Variants in ARMC9 observed in about 807,000 individuals in gnomAD.
ARMC9 encodes armadillo repeat containing 9.
In ARMC9, 94 loss-of-function variants were observed where a neutral mutation model predicts 107.0. The observed-to-expected ratio is 0.88, with a 90% CI of 0.74 to 1.04. ARMC9 has a LOEUF of 1.04. ARMC9 is among the 50% of genes least tolerant of loss of function. The pLI is 0.00. For missense variants in ARMC9, 942 were observed against 1,030.1 expected (o/e 0.91, Z 1.17); for synonymous variants, 380 against 396.9 (o/e 0.96, Z 0.51).
rs1462544138 is a variant in ARMC9, at chr2:231,372,993, T to C, written c.*1458T>C. ...AGCTCATCCAGGGCCGGGACCCTGG[T>C]TCATCTCGTGAATTCTTGGCAGCGG... On this transcript the variant is annotated 3_prime_UTR_variant, in exon 25 of 25. Transcript: ENST00000611582. The C allele has an allele frequency of 6.6e-6, 1 of 152,122 alleles. No homozygotes were observed. Among genetic ancestry groups the C allele is most frequent in the Non-Finnish European group, 1.5e-5 (1 of 68,020 alleles). 9.4% of individuals were successfully genotyped at this position (152,122 alleles called of 1,614,324 possible).
intron 2 of ARMC9, among the ~76,000 whole-genome samples, chr2:231,207,727 G>A (rs968962792): frequency 6.6e-6 from 1 of 152,222 alleles, no homozygotes; most frequent in Non-Finnish European, 1.5e-5. Context: ...ACCCGCCTTG[G>A]CCTCCCAAAG....
chr2:231,288,349 T>C (rs777473608), intron 17 of ARMC9, among the ~76,000 whole-genome samples: 2 of 152,190 alleles, frequency 1.3e-5, no homozygotes, highest in Non-Finnish European at 2.9e-5. Context: ...GTGGGGGGCC[T>C]GTGAGTAATT....
chr2:231,209,256 C>T (rs1447265581), intron 3 of ARMC9, among the ~76,000 whole-genome samples: 1 of 152,092 alleles, frequency 6.6e-6, no homozygotes, highest in East Asian at 1.9e-4. Context: ...TGGCATGCAC[C>T]TGTAGTCCCA....
intron 20 of ARMC9, among the ~76,000 whole-genome samples, chr2:231,334,950 A>C (rs2043986752): frequency 6.6e-6 from 1 of 152,172 alleles, no homozygotes; most frequent in African/African-American, 2.4e-5. Context: ...TGTGCCTGAA[A>C]GTCATGATCC....
intron 21 of ARMC9, among the ~76,000 whole-genome samples, chr2:231,351,512 C>T (rs7597595): frequency 0.081 from 12,315 of 152,100 alleles, 1,490 homozygotes; most frequent in African/African-American, 0.26. Context: ...TTTATTCCAG[C>T]AGCCAGAGAG....
At position 231,311,235 on chromosome 2, in the gene ARMC9, C is replaced by T. The variant is rs913887094; in HGVS notation, c.1773+14982C>T. Among the ~76,000 whole-genome samples, 14 of 152,300 alleles carry T rather than the reference C, an allele frequency of 9.2e-5. No individual in the cohort carries two copies. In the East Asian group the frequency reaches 2.3e-3, roughly 25 times the overall value. ...TTTGCTATGCAGCTCACTTTGCAGCCGGCTGTGTGCTACTTTCTGGCATTT... is the reference window on the plus strand; with the variant it reads ...TTTGCTATGCAGCTCACTTTGCAGCTGGCTGTGTGCTACTTTCTGGCATTT... On this transcript the variant is annotated intron_variant, in intron 19 of 24. Coordinates refer to ENST00000611582, the MANE Select transcript of ARMC9 (RefSeq NM_001352754.2).
intron 17 of ARMC9, among the ~76,000 whole-genome samples, chr2:231,283,065 G>T (rs139382326): frequency 1.3e-5 from 2 of 152,154 alleles, no homozygotes; most frequent in African/African-American, 4.8e-5. Flanking sequence ...AGGGATGGAG[G>T]GGGTGGGGAG....
At chr2:231,278,698 G>A (rs1027519747) in intron 16 of ARMC9, among the ~76,000 whole-genome samples, 5 of 151,588 alleles carry the variant, frequency 3.3e-5, no homozygotes, top group Non-Finnish European at 5.9e-5. Flanking sequence ...GGCCTGTGCC[G>A]GGCCCCTCCG....
At chr2:231,324,290 G>A (rs915138366) in intron 19 of ARMC9, among the ~76,000 whole-genome samples, 5 of 151,416 alleles carry the variant, frequency 3.3e-5, no homozygotes, top group African/African-American at 7.3e-5. Context: ...ACCACGCCCA[G>A]CTAATTTTTG....
chr2:231,254,405 T>A (rs1029588106), intron 9 of ARMC9, among the ~76,000 whole-genome samples: 1 of 152,228 alleles, frequency 6.6e-6, no homozygotes, highest in African/African-American at 2.4e-5. Flanking sequence ...TAGGCTCCAG[T>A]ACTGATAACG....
At chr2:231,310,000 C>T (rs1230720162) in intron 19 of ARMC9, among the ~76,000 whole-genome samples, 1 of 152,050 alleles carries the variant, frequency 6.6e-6, no homozygotes, top group Non-Finnish European at 1.5e-5. Context: ...GAAATAGAAG[C>T]AATTTTCTGT....
At chr2:231,282,269 T>G (rs1241043975) in intron 17 of ARMC9, 136 bp downstream of exon 17, 1 of 851,006 alleles carries the variant, frequency 1.2e-6, no homozygotes. Flanking sequence ...GTATGTAAAA[T>G]GTATATTTGC....
intron 14 of ARMC9, 130 bp downstream of exon 14, chr2:231,273,208 G>A: frequency 7.9e-7 from 1 of 1,269,206 alleles, no homozygotes; most frequent in South Asian, 1.5e-5. Flanking sequence ...TTCTAAGACA[G>A]AGCTAGAAAG....
intron 22 of ARMC9, 84 bp downstream of exon 22, chr2:231,356,018 G>A (rs1205977184): frequency 6.9e-6 from 10 of 1,448,226 alleles, no homozygotes; most frequent in African/African-American, 1.4e-5. Context: ...AGTGGCAGAC[G>A]CACGTCTGCT....
At chr2:231,233,691 G>A (rs113557824) in intron 7 of ARMC9, among the ~76,000 whole-genome samples, 17,861 of 151,854 alleles carry the variant, frequency 0.12, 2,050 homozygotes, top group African/African-American at 0.29. Flanking sequence ...CAGGGGAATC[G>A]CTTGAACCCG....
At chr2:231,292,983 C>G (rs991764591) in intron 18 of ARMC9, among the ~76,000 whole-genome samples, 1 of 152,192 alleles carries the variant, frequency 6.6e-6, no homozygotes, top group African/African-American at 2.4e-5. Flanking sequence ...GTCTCATGTG[C>G]AGCCAAGGGC....
At position 231,331,906 on chromosome 2, in the gene ARMC9, CACACAAAGGGTGGGGATCCTGAA is replaced by C. The variant is rs771681732; in HGVS notation, c.1878+13_1878+35del. The C allele has an allele frequency of 5.6e-6, 9 of 1,602,556 alleles. No individual in the cohort carries two copies. The highest frequency in any genetic ancestry group is 1.3e-5 in the African/African-American group (1 of 74,702). ...CCACGGAGTACCTGGGGGTAAGTGC[CACACAAAGGGTGGGGATCCTGAA>C]ACAGAAAGGCCAGATGGACATTGAT... On this transcript the variant is annotated intron_variant, in intron 20 of 24. Coordinates refer to ENST00000611582, the MANE Select transcript of ARMC9 (RefSeq NM_001352754.2).
intron 19 of ARMC9, among the ~76,000 whole-genome samples, chr2:231,306,698 A>C (rs1234975151): frequency 6.6e-6 from 1 of 152,126 alleles, no homozygotes; most frequent in Non-Finnish European, 1.5e-5. Flanking sequence ...TAATTGTCCA[A>C]GCAGTCAAGA....
At position 231,271,064 on chromosome 2, in the gene ARMC9, T is replaced by TCAA; in HGVS notation, c.1202_1203insCAA (p.Leu401_Ala402insLys). On this transcript the variant is annotated inframe_insertion, in exon 13 of 25. Coordinates refer to ENST00000611582, the MANE Select transcript of ARMC9 (RefSeq NM_001352754.2). ...AGGCTCATCAATGCTTTTGCGTCAC[T>TCAA]GGCAGAAGGTGAGACATCAGCTTTG... 6.2e-7 allele frequency: 1 copy of TCAA among 1,614,140 alleles called. No homozygotes were observed. The highest frequency in any genetic ancestry group is 8.5e-7 in the Non-Finnish European group (1 of 1,180,010).
Sources: allele counts gnomAD v4.1 joint callset (sites outside exome capture counted in the v4.1 genomes callset), GRCh38; gene constraint gnomAD v4.1.1; transcripts MANE v1.5; gene names NCBI Gene and HGNC (gene_info 2026-07-23, HGNC 2026-07-21).